Variants in ACTR3C observed in about 807,000 individuals in gnomAD.
ACTR3C encodes actin related protein 3C.
A neutral mutation model predicts 26.3 loss-of-function variants in ACTR3C; 18 were observed. That is an observed-to-expected ratio of 0.68 (90% confidence interval 0.47 to 1.01). The LOEUF is 1.01. Among genes scored for constraint, ACTR3C ranks in the 50% least tolerant of loss-of-function variants. ACTR3C has a pLI of 0.00. For synonymous variants in ACTR3C, 55 were observed against 94.5 expected (o/e 0.58, Z 2.42); for missense variants, 184 against 250.7 (o/e 0.73, Z 1.80).
chr7:150,234,250 A>AT, the ACTR3C span, among the ~76,000 whole-genome samples: 2 of 152,130 alleles, frequency 1.3e-5, no homozygotes, highest in South Asian at 4.1e-4. Context: ...CCTTACAAGC[A>AT]TTTCTTAGCT....
chr7:150,048,944 A>G, the ACTR3C span, among the ~76,000 whole-genome samples: 1 of 152,080 alleles, frequency 6.6e-6, no homozygotes, highest in Non-Finnish European at 1.5e-5. Flanking sequence ...TGCGCCCCGC[A>G]GAGAGCCCGG....
At chr7:150,178,021 G>C in the ACTR3C span, among the ~76,000 whole-genome samples, 3 of 150,660 alleles carry the variant, frequency 2.0e-5, no homozygotes, top group Non-Finnish European at 2.9e-5. Context: ...CATTGATTAT[G>C]AGACACAACA....
the ACTR3C span, among the ~76,000 whole-genome samples, chr7:150,126,347 G>A: frequency 2.0e-5 from 3 of 152,214 alleles, no homozygotes; most frequent in Non-Finnish European, 4.4e-5. Flanking sequence ...AGGGATTGCA[G>A]GCTCTGAAAG....
At chr7:150,253,747 G>A (rs1438395082) in intron 6 of ACTR3C, among the ~76,000 whole-genome samples, 7 of 151,766 alleles carry the variant, frequency 4.6e-5, no homozygotes, top group Admixed American at 1.3e-4. Flanking sequence ...AGTGGCAAGC[G>A]GCCCATCGGT....
the ACTR3C span, among the ~76,000 whole-genome samples, chr7:150,197,713 A>G: frequency 2.6e-5 from 4 of 152,158 alleles, no homozygotes; most frequent in East Asian, 7.7e-4. Context: ...GTCCTATCAC[A>G]CGGATGATTA....
chr7:150,126,483 C>T, the ACTR3C span, among the ~76,000 whole-genome samples: 1 of 152,312 alleles, frequency 6.6e-6, no homozygotes, highest in Middle Eastern at 3.4e-3. Flanking sequence ...CACAATTCCA[C>T]ATGGGAAACG....
chr7:149,903,576 A>G, the ACTR3C span, among the ~76,000 whole-genome samples: 18,941 of 143,204 alleles, frequency 0.13, 2,103 homozygotes, highest in African/African-American at 0.35. Flanking sequence ...AAGTCTCACT[A>G]TGTCACCCAG....
chr7:150,047,784 G>C, the ACTR3C span: 2 of 1,523,738 alleles, frequency 1.3e-6, no homozygotes, highest in African/African-American at 1.4e-5. Context: ...GAGGTGACTC[G>C]CCTCCGGGGG....
At chr7:150,239,918 AT>A (rs940515450), downstream of ACTR3C, among the ~76,000 whole-genome samples, 2 of 151,560 alleles carry the variant, frequency 1.3e-5, no homozygotes, top group Admixed American at 6.6e-5. Flanking sequence ...CACCTGGTTA[AT>A]TTTTTTTGAA....
At chr7:150,034,955 A>G in the ACTR3C span, among the ~76,000 whole-genome samples, 134,908 of 136,716 alleles carry the variant, frequency 0.99, 66,574 homozygotes, top group East Asian at 0.99. Context: ...AGAGGGGATA[A>G]CTCTCAGTCC....
chr7:150,151,018 T>C, the ACTR3C span, among the ~76,000 whole-genome samples: 1 of 124,564 alleles, frequency 8.0e-6, no homozygotes, highest in Non-Finnish European at 1.7e-5. Context: ...TATTTCTGCT[T>C]TATATTTAAG....
chr7:150,185,587 C>G, the ACTR3C span, among the ~76,000 whole-genome samples: 2 of 151,996 alleles, frequency 1.3e-5, no homozygotes, highest in South Asian at 4.2e-4. Flanking sequence ...CAATCTTTCA[C>G]GGTACCCTCA....
the ACTR3C span, among the ~76,000 whole-genome samples, chr7:150,036,161 T>TCC: frequency 6.7e-4 from 82 of 121,604 alleles, 8 homozygotes; most frequent in African/African-American, 8.5e-4. Flanking sequence ...GGGGGGTGCC[T>TCC]CCCCCCCCGC....
At chr7:150,134,764 T>C in the ACTR3C span, among the ~76,000 whole-genome samples, 5 of 152,278 alleles carry the variant, frequency 3.3e-5, no homozygotes, top group Non-Finnish European at 7.3e-5. Flanking sequence ...TCTCTCCATA[T>C]CTACCTCTTC....
the ACTR3C span, among the ~76,000 whole-genome samples, chr7:150,030,599 T>C: frequency 6.6e-6 from 1 of 152,202 alleles, no homozygotes; most frequent in Non-Finnish European, 1.5e-5. Flanking sequence ...ATAAAATCTT[T>C]ATTGTACAAT....
chr7:150,170,726 G>T, the ACTR3C span, among the ~76,000 whole-genome samples: 3 of 150,476 alleles, frequency 2.0e-5, no homozygotes, highest in Non-Finnish European at 2.9e-5. Flanking sequence ...GGGTTTAAAG[G>T]TTCACTTCCA....
chr7:150,310,012 C>T (rs1796163226), intron 1 of ACTR3C, among the ~76,000 whole-genome samples: 1 of 152,154 alleles, frequency 6.6e-6, no homozygotes, highest in African/African-American at 2.4e-5. Flanking sequence ...GACGGCCAAG[C>T]TTCTGAACCT....
the ACTR3C span, among the ~76,000 whole-genome samples, chr7:149,944,820 A>G: frequency 6.6e-6 from 1 of 151,118 alleles, no homozygotes; most frequent in African/African-American, 2.4e-5. Flanking sequence ...GACATCTAGG[A>G]TGCACCAAGG....
the ACTR3C span, among the ~76,000 whole-genome samples, chr7:149,908,190 C>G: frequency 2.0e-5 from 3 of 152,150 alleles, no homozygotes. Flanking sequence ...GGGGAGAGGC[C>G]TCACGGGAAA....
Sources: allele counts gnomAD v4.1 joint callset (sites outside exome capture counted in the v4.1 genomes callset), GRCh38; gene constraint gnomAD v4.1.1; transcripts MANE v1.5; gene names NCBI Gene and HGNC (gene_info 2026-07-23, HGNC 2026-07-21).